ECRG4: variants seen among roughly 807,000 people sequenced by gnomAD.
The protein encoded by ECRG4 is augurin.
In ECRG4, 18 loss-of-function variants were observed where a neutral mutation model predicts 15.8. The observed-to-expected ratio is 1.14, with a 90% CI of 0.79 to 1.69. The LOEUF is 1.69. Among genes scored for constraint, ECRG4 ranks in the 40% most tolerant of loss-of-function variants. The probability of loss-of-function intolerance (pLI) is 0.00; values close to 1 mark genes in which losing one functional copy is unlikely to be tolerated. For missense variants in ECRG4, 200 were observed against 190.9 expected, an observed-to-expected ratio of 1.05 and a Z score of -0.28; for synonymous variants, 82 against 73.9, an observed-to-expected ratio of 1.11 and a Z score of -0.56.
chr2:106,069,213 TTTTC>T (rs1207499197), intron 1 of ECRG4, among the ~76,000 whole-genome samples: 2 of 146,160 alleles, frequency 1.4e-5, no homozygotes, highest in Middle Eastern at 3.6e-3. Context: ...TTTTATTTTC[TTTTC>T]TTTCTTCTTT....
intron 1 of ECRG4, among the ~76,000 whole-genome samples, chr2:106,067,207 G>A (rs1427984956): frequency 2.0e-5 from 3 of 151,890 alleles, no homozygotes; most frequent in Non-Finnish European, 2.9e-5. Context: ...CAGGAGAATT[G>A]CTTGAATCTG....
At chr2:106,065,662 A>C, upstream of ECRG4, 2 of 869,666 alleles carry the variant, frequency 2.3e-6, no homozygotes, top group Non-Finnish European at 3.2e-6. Flanking sequence ...CGCAGGGATA[A>C]CCCGCGGCCG....
At chr2:106,072,080 C>T in intron 2 of ECRG4, 189 bp downstream of exon 2, 2 of 526,952 alleles carry the variant, frequency 3.8e-6, no homozygotes, top group Admixed American at 3.4e-5. Flanking sequence ...AATATTATTG[C>T]CAGTAAATGT....
At chr2:106,072,013 G>T (rs1676381731) in intron 2 of ECRG4, 122 bp downstream of exon 2, 2 of 776,140 alleles carry the variant, frequency 2.6e-6, no homozygotes, top group South Asian at 3.5e-5. Context: ...TCCTTAAAAG[G>T]TTAGCAGATA....
At chr2:106,070,645 T>G (rs946719540) in intron 1 of ECRG4, 3 of 190,482 alleles carry the variant, frequency 1.6e-5, no homozygotes, top group Non-Finnish European at 3.3e-5. Flanking sequence ...CCCAGCTTTA[T>G]TGATGTATAA....
upstream of ECRG4, among the ~76,000 whole-genome samples, chr2:106,064,537 C>T (rs1442674978): frequency 6.6e-6 from 1 of 152,174 alleles, no homozygotes; most frequent in Non-Finnish European, 1.5e-5. Context: ...ATTAGCTGGG[C>T]CTCGTGGCAC....
intron 2 of ECRG4, among the ~76,000 whole-genome samples, chr2:106,072,693 G>A (rs986674262): frequency 6.6e-6 from 1 of 152,214 alleles, no homozygotes; most frequent in African/African-American, 2.4e-5. Flanking sequence ...GGTGGCTGGA[G>A]AACAGGCTTG....
chr2:106,069,148 TTTTCTTTC>T (rs200925572), intron 1 of ECRG4, among the ~76,000 whole-genome samples: 38 of 131,956 alleles, frequency 2.9e-4, no homozygotes, highest in African/African-American at 1.0e-3. Flanking sequence ...TCTTTCTTTC[TTTTCTTTC>T]TTTCTTTCTT....
rs1558655651 is a variant in ECRG4, at chr2:106,069,121, C to CT, written c.80-2721dup. 1.0e-3 allele frequency among the ~76,000 whole-genome samples: 78 copies of CT among 75,094 alleles called. 2 individuals are homozygous for CT. Among genetic ancestry groups the CT allele is most frequent in the Non-Finnish European group, 1.0e-3 (33 of 32,978 alleles). 49.3% of individuals were successfully genotyped at this position (75,094 alleles called of 152,430 possible). On this transcript the variant is annotated intron_variant, in intron 1 of 3. Transcript: ENST00000238044. ...CTTCCTTCCTTCCTTCTTTTTCTTT[C>CT]TTCCTTTCTCTTTCTTTCTTTCTTT...
chr2:106,065,114 G>A (rs1676174952), upstream of ECRG4, among the ~76,000 whole-genome samples: 1 of 152,042 alleles, frequency 6.6e-6, no homozygotes. Context: ...CCAGACTGTG[G>A]AATCTTTCAA....
rs768230885 is a variant in ECRG4, at chr2:106,071,865, T to A, written c.101T>A (p.Leu34His). Residue 34 changes from leucine to histidine, a missense_variant, in exon 2 of 4, where the codon CTC becomes CAC. Physicochemically the swap from Leu to His is moderately conservative, Grantham distance 99. Transcript: ENST00000238044. ...TTAGGTGGCATAAGTGGAAATAAAC[T>A]CAAGCTGATGCTTCAAAAACGAGAA... Reference protein sequence around the residue: ...WGPGGISGNKLKLMLQKREAP... With the variant: ...WGPGGISGNKHKLMLQKREAP... 5 of 1,613,638 alleles carry A rather than the reference T, an allele frequency of 3.1e-6. No homozygotes were observed. In the African/African-American group the frequency reaches 5.3e-5, roughly 17 times the overall value.
At chr2:106,077,588 G>C (rs765658764) in intron 3 of ECRG4, among the ~76,000 whole-genome samples, 177 bp from the exon 4 acceptor site, 2 of 152,224 alleles carry the variant, frequency 1.3e-5, no homozygotes, top group South Asian at 4.1e-4. Context: ...TTTTATCAGA[G>C]TGAATACTGC....
chr2:106,077,202 C>A (rs1365831071), intron 3 of ECRG4, among the ~76,000 whole-genome samples: 1 of 152,196 alleles, frequency 6.6e-6, no homozygotes, highest in East Asian at 1.9e-4. Flanking sequence ...AAAGCATTTG[C>A]AGAATAAATA....
At chr2:106,073,483 T>C (rs149087285) in intron 2 of ECRG4, among the ~76,000 whole-genome samples, 2 of 152,278 alleles carry the variant, frequency 1.3e-5, no homozygotes, top group East Asian at 3.9e-4. Context: ...TGTTGGCATA[T>C]GCAATGGACA....
chr2:106,065,647 A>G (rs879737707), upstream of ECRG4: 90 of 703,218 alleles, frequency 1.3e-4, no homozygotes, highest in Middle Eastern at 4.2e-4. Context: ...CCGCCCCGGC[A>G]GCGACGCAGG....
chr2:106,074,442 G>C (rs541238880), intron 3 of ECRG4, among the ~76,000 whole-genome samples: 1 of 152,284 alleles, frequency 6.6e-6, no homozygotes, highest in South Asian at 2.1e-4. Flanking sequence ...GGGATGCCGG[G>C]ATCTATGATG....
intron 3 of ECRG4, among the ~76,000 whole-genome samples, chr2:106,077,199 T>C (rs1356744477): frequency 6.6e-6 from 1 of 152,220 alleles, no homozygotes; most frequent in Non-Finnish European, 1.5e-5. Context: ...CTCAAAGCAT[T>C]TGCAGAATAA....
chr2:106,074,079 C>T, intron 3 of ECRG4, 36 bp downstream of exon 3: 1 of 1,605,456 alleles, frequency 6.2e-7, no homozygotes, highest in Non-Finnish European at 8.5e-7. Flanking sequence ...CTGGCTTCCA[C>T]AGGGAAGGGT....
chr2:106,073,782 T>C, intron 2 of ECRG4, 104 bp from the exon 3 acceptor site: 1 of 1,381,668 alleles, frequency 7.2e-7, no homozygotes, highest in Non-Finnish European at 1.0e-6. Context: ...GTCAAAACCC[T>C]CCTACACATG....
Sources: gnomAD v4.1 joint callset for allele counts (sites outside exome capture counted in the v4.1 genomes callset) on GRCh38, gnomAD v4.1.1 for gene constraint, MANE v1.5 for transcripts, NCBI Gene and HGNC (gene_info 2026-07-23, HGNC 2026-07-21) for gene names.